Variants in KCNIP4 observed in about 807,000 individuals in gnomAD.
KCNIP4 encodes the protein potassium voltage-gated channel interacting protein 4, also known as Kv channel-interacting protein 4.
Under a neutral mutation model 34.0 loss-of-function variants are expected in KCNIP4, and 12 were observed. The observed-to-expected ratio is 0.35, with a 90% CI of 0.23 to 0.57. KCNIP4 has a LOEUF of 0.57. Among genes scored for constraint, KCNIP4 ranks in the 20% least tolerant of loss-of-function variants. The pLI is 0.83. For missense variants in KCNIP4, 238 were observed against 311.7 expected (o/e 0.76, Z 1.78); for synonymous variants, 124 against 102.2 (o/e 1.21, Z -1.29).
chr4:21,043,517 T>C (rs917123944), intron 1 of KCNIP4, among the ~76,000 whole-genome samples: 1 of 151,808 alleles, frequency 6.6e-6, no homozygotes, highest in African/African-American at 2.4e-5. Flanking sequence ...TTTTGTATTT[T>C]TAGTAAAGGT....
At chr4:21,861,513 A>G (rs1725071714) in intron 1 of KCNIP4, among the ~76,000 whole-genome samples, 1 of 152,086 alleles carries the variant, frequency 6.6e-6, no homozygotes, top group African/African-American at 2.4e-5. Context: ...TTAGCTAGGC[A>G]TGGTGGTTTG....
chr4:21,713,915 A>C (rs1452648794), intron 1 of KCNIP4, among the ~76,000 whole-genome samples: 1 of 152,192 alleles, frequency 6.6e-6, no homozygotes, highest in African/African-American at 2.4e-5. Flanking sequence ...CACTCAAAAA[A>C]ATTATAAAAT....
intron 1 of KCNIP4, among the ~76,000 whole-genome samples, chr4:21,281,564 A>G (rs1344716742): frequency 6.6e-6 from 1 of 152,204 alleles, no homozygotes; most frequent in East Asian, 1.9e-4. Flanking sequence ...TCTGGAATCC[A>G]ATAAATTGCA....
rs1455438832 is a variant in KCNIP4, at chr4:21,519,494, GTGTA to G, written c.61+429073_61+429076del. Among the ~76,000 whole-genome samples, 174 of 118,800 alleles carry G rather than the reference GTGTA, an allele frequency of 1.5e-3. 31 individuals are homozygous for G. Among genetic ancestry groups the G allele is most frequent in the Non-Finnish European group, 2.1e-3 (116 of 55,144 alleles). 77.9% of individuals were successfully genotyped at this position (118,800 alleles called of 152,430 possible). ...TGTGTATGTGTATATACACATATGTGTGTATGTGTATGTGTATATACACATATGT... is the reference window on the plus strand; with the variant it reads ...TGTGTATGTGTATATACACATATGTGTGTGTATGTGTATATACACATATGT... On this transcript the variant is annotated intron_variant, in intron 1 of 8. Transcript: ENST00000382152.
At chr4:20,983,714 A>T (rs1736314372) in intron 1 of KCNIP4, 8 of 958,830 alleles carry the variant, frequency 8.3e-6, no homozygotes, top group Non-Finnish European at 1.1e-5. Flanking sequence ...ATATTTTAAA[A>T]CTTTTACTTT....
At chr4:21,442,185 G>T (rs1011255291) in intron 1 of KCNIP4, among the ~76,000 whole-genome samples, 2 of 152,052 alleles carry the variant, frequency 1.3e-5, no homozygotes, top group Non-Finnish European at 2.9e-5. Flanking sequence ...TGAGTTAGAG[G>T]GTACCATAGA....
chr4:21,875,348 G>A (rs1726049477), intron 1 of KCNIP4, among the ~76,000 whole-genome samples: 2 of 152,032 alleles, frequency 1.3e-5, no homozygotes, highest in Non-Finnish European at 1.5e-5. Flanking sequence ...AATAGAGACA[G>A]GATTTGATTA....
At chr4:21,880,899 G>C (rs1209811232) in intron 1 of KCNIP4, among the ~76,000 whole-genome samples, 1 of 152,132 alleles carries the variant, frequency 6.6e-6, no homozygotes. Context: ...ATGTGGATTT[G>C]TCAAGGGCAA....
chr4:21,714,814 ATTTT>A (rs1714076350), intron 1 of KCNIP4, among the ~76,000 whole-genome samples: 1 of 234 alleles, frequency 4.3e-3, no homozygotes. Flanking sequence ...ATTTTATTTT[ATTTT>A]ATTTTATTTT....
chr4:21,731,898 C>A (rs1026732961), intron 1 of KCNIP4, among the ~76,000 whole-genome samples: 3 of 152,020 alleles, frequency 2.0e-5, no homozygotes, highest in Non-Finnish European at 4.4e-5. Flanking sequence ...ACAGCTAAGA[C>A]AACTTGAGAG....
chr4:20,854,793 G>A (rs1031563530), intron 2 of KCNIP4, among the ~76,000 whole-genome samples: 2 of 152,156 alleles, frequency 1.3e-5, no homozygotes, highest in African/African-American at 2.4e-5. Flanking sequence ...CATACTGGAT[G>A]GTTGGGGGCC....
chr4:21,599,208 A>G (rs182000821), intron 1 of KCNIP4, among the ~76,000 whole-genome samples: 2 of 152,248 alleles, frequency 1.3e-5, no homozygotes, highest in African/African-American at 4.8e-5. Flanking sequence ...ATGTTAAAAC[A>G]AATAATACAT....
chr4:20,823,115 G>A (rs960799059), intron 3 of KCNIP4, among the ~76,000 whole-genome samples: 72 of 152,204 alleles, frequency 4.7e-4, no homozygotes, highest in African/African-American at 1.7e-3. Flanking sequence ...ACTTTAGACT[G>A]AGTAATTTAT....
intron 1 of KCNIP4, among the ~76,000 whole-genome samples, chr4:21,600,650 A>G (rs1305986742): frequency 6.6e-6 from 1 of 152,046 alleles, no homozygotes; most frequent in Non-Finnish European, 1.5e-5. Flanking sequence ...CTTATTTTCC[A>G]GCCATGCCTA....
chr4:21,394,180 A>AT (rs1204107401), intron 1 of KCNIP4, among the ~76,000 whole-genome samples: 1 of 152,196 alleles, frequency 6.6e-6, no homozygotes, highest in Admixed American at 6.5e-5. Context: ...CATAATAACA[A>AT]TTTCAGTACT....
chr4:21,426,674 C>A (rs903931360), intron 1 of KCNIP4, among the ~76,000 whole-genome samples: 10 of 151,744 alleles, frequency 6.6e-5, no homozygotes. Context: ...TTTAAGGGAA[C>A]AGTCAGAGTT....
intron 1 of KCNIP4, among the ~76,000 whole-genome samples, chr4:21,153,100 T>C (rs1331911714): frequency 2.0e-5 from 3 of 152,170 alleles, no homozygotes; most frequent in Non-Finnish European, 4.4e-5. Context: ...ATTAACTCCT[T>C]AAACACATGG....
At chr4:21,941,177 T>C (rs1730182861) in intron 1 of KCNIP4, among the ~76,000 whole-genome samples, 1 of 152,196 alleles carries the variant, frequency 6.6e-6, no homozygotes, top group South Asian at 2.1e-4. Flanking sequence ...CCCAATATTA[T>C]CATGAAACTC....
chr4:21,412,207 C>G (rs1442123569), intron 1 of KCNIP4, among the ~76,000 whole-genome samples: 2 of 152,160 alleles, frequency 1.3e-5, no homozygotes, highest in Non-Finnish European at 2.9e-5. Flanking sequence ...ATCATACACA[C>G]AACCAACAGT....
Sources: allele counts gnomAD v4.1 joint callset (sites outside exome capture counted in the v4.1 genomes callset), GRCh38; gene constraint gnomAD v4.1.1; transcripts MANE v1.5; gene names NCBI Gene and HGNC (gene_info 2026-07-23, HGNC 2026-07-21).